The following ADK variants were observed in gnomAD, a reference collection of about 807,000 sequenced individuals.
ADK encodes the protein N6,N6-dimethyladenosine kinase.
A neutral mutation model predicts 44.7 loss-of-function variants in ADK; 24 were observed. The ratio of observed to expected loss-of-function variants is 0.54; its 90% CI spans 0.39 to 0.76. The LOEUF (loss-of-function observed/expected upper bound fraction) is 0.76, where lower values mean the gene tolerates loss of function less well. Ranked by LOEUF, ADK falls within the 30% of genes least tolerant of loss-of-function variation. The pLI is 0.00. For synonymous variants in ADK, 128 were observed against 142.6 expected, an observed-to-expected ratio of 0.90 and a Z score of 0.73; for missense variants, 321 against 425.1, an observed-to-expected ratio of 0.76 and a Z score of 2.15.
intron 2 of ADK, among the ~76,000 whole-genome samples, chr10:74,222,922 TAGTG>T (rs1445342010): frequency 7.3e-5 from 11 of 151,156 alleles, no homozygotes; most frequent in Admixed American, 7.2e-4. Context: ...GATGACGAGT[TAGTG>T]GGTGCAGCAC....
intron 2 of ADK, among the ~76,000 whole-genome samples, chr10:74,201,672 GTATGTATCTATCTATCTATCTATC>G (rs1463656707): frequency 6.0e-4 from 81 of 134,678 alleles, no homozygotes; most frequent in Admixed American, 8.9e-4. Context: ...ATGTATGTAT[GTATGTATCTATCTATCTATCTATC>G]TATCTATCTA....
chr10:74,521,484 T>C (rs988941668), intron 6 of ADK, among the ~76,000 whole-genome samples: 1 of 152,160 alleles, frequency 6.6e-6, no homozygotes, highest in African/African-American at 2.4e-5. Flanking sequence ...GATCAAATTT[T>C]CAGTCTGAAG....
chr10:74,384,625 C>T (rs561312126), intron 4 of ADK, among the ~76,000 whole-genome samples: 8 of 152,132 alleles, frequency 5.3e-5, no homozygotes, highest in South Asian at 4.2e-4. Context: ...GAGTCAAGAT[C>T]GCACCACTGC....
chr10:74,164,243 A>T lies in ADK; in HGVS notation c.65+12900A>T, dbSNP rs779023827. On this transcript the variant is annotated intron_variant, in intron 1 of 10. Coordinates refer to ENST00000539909, the MANE Select transcript of ADK (RefSeq NM_006721.4). ...ACATAGTATAAAATGTTTATTAAAA[A>T]TAGTATTTTAGGCTGGGTATGTTGG... Among the ~76,000 whole-genome samples, 3 of 152,360 alleles carry T rather than the reference A, an allele frequency of 2.0e-5. No homozygotes were observed. In the East Asian group the frequency reaches 5.8e-4, roughly 29 times the overall value.
At chr10:74,303,588 G>GTTGTTTTT (rs1840139803) in intron 3 of ADK, among the ~76,000 whole-genome samples, 6 of 68,576 alleles carry the variant, frequency 8.7e-5, no homozygotes, top group African/African-American at 4.7e-4. Flanking sequence ...TTTTAATGTT[G>GTTGTTTTT]TTTTTTTTTT....
intron 6 of ADK, among the ~76,000 whole-genome samples, chr10:74,505,517 CTTTTTTT>C (rs35285709): frequency 2.3e-5 from 3 of 131,366 alleles, no homozygotes; most frequent in Non-Finnish European, 3.3e-5. Context: ...CTTCCCCCCA[CTTTTTTT>C]TTTTTTTTTT....
intron 2 of ADK, among the ~76,000 whole-genome samples, chr10:74,224,032 C>G (rs187204294): frequency 6.6e-6 from 1 of 152,060 alleles, no homozygotes; most frequent in Non-Finnish European, 1.5e-5. Flanking sequence ...GAGTCAAGAT[C>G]GTGCCACTGC....
At chr10:74,595,469 CG>C (rs1851878393) in intron 8 of ADK, among the ~76,000 whole-genome samples, 1 of 140,486 alleles carries the variant, frequency 7.1e-6, no homozygotes, top group Non-Finnish European at 1.5e-5. Context: ...CTCCGCCTCC[CG>C]GGTTCACTCC....
intron 9 of ADK, among the ~76,000 whole-genome samples, chr10:74,651,384 AT>A (rs1292882632): frequency 6.6e-6 from 1 of 152,126 alleles, no homozygotes; most frequent in Non-Finnish European, 1.5e-5. Flanking sequence ...CAGATGAAAA[AT>A]TTTAGAAAGG....
intron 4 of ADK, chr10:74,372,480 T>A (rs1172862864): frequency 9.4e-5 from 29 of 309,266 alleles, no homozygotes; most frequent in Middle Eastern, 1.0e-3. Flanking sequence ...AATGTCAGTT[T>A]AAAAAAAAAA....
chr10:74,186,758 A>G (rs1375093396), intron 1 of ADK, among the ~76,000 whole-genome samples: 2 of 152,200 alleles, frequency 1.3e-5, no homozygotes, highest in Non-Finnish European at 2.9e-5. Flanking sequence ...TTTGTTCAAT[A>G]TAATATTTTT....
chr10:74,284,981 C>G lies in ADK; in HGVS notation c.195-29686C>G, dbSNP rs143824155. ...AGGGTGCTTACTTTTGAGAAAAATG[C>G]TAATAATATAGTATAGCCATCATTT... On this transcript the variant is annotated intron_variant, in intron 3 of 10. Coordinates refer to ENST00000539909, the MANE Select transcript of ADK (RefSeq NM_006721.4). 3.9e-3 allele frequency among the ~76,000 whole-genome samples: 601 copies of G among 152,238 alleles called. 8 individuals carry two copies. The highest frequency in any genetic ancestry group is 0.013 in the African/African-American group (536 of 41,536).
At chr10:74,211,232 T>C (rs1843801151) in intron 2 of ADK, among the ~76,000 whole-genome samples, 1 of 152,210 alleles carries the variant, frequency 6.6e-6, no homozygotes, top group African/African-American at 2.4e-5. Flanking sequence ...TTTCTACAGC[T>C]TTCAACATTA....
chr10:74,668,027 A>T (rs1347324151), intron 9 of ADK, among the ~76,000 whole-genome samples: 1 of 152,170 alleles, frequency 6.6e-6, no homozygotes, highest in African/African-American at 2.4e-5. Context: ...CTAGTGATTA[A>T]TTCTTATATT....
intron 7 of ADK, among the ~76,000 whole-genome samples, chr10:74,547,600 G>C (rs1849882880): frequency 6.6e-6 from 1 of 150,456 alleles, no homozygotes. Flanking sequence ...TCCTGCCTCA[G>C]CCTCCCAAGT....
At chr10:74,285,056 A>G (rs1377557271) in intron 3 of ADK, among the ~76,000 whole-genome samples, 1 of 152,226 alleles carries the variant, frequency 6.6e-6, no homozygotes, top group Non-Finnish European at 1.5e-5. Flanking sequence ...TCCTTATAAT[A>G]GTCCTTCAGT....
chr10:74,160,385 C>T (rs1841856083), intron 1 of ADK, among the ~76,000 whole-genome samples: 1 of 152,220 alleles, frequency 6.6e-6, no homozygotes. Context: ...TGCTTCTGAG[C>T]TGCTACTCTG....
intron 6 of ADK, among the ~76,000 whole-genome samples, chr10:74,474,087 A>G (rs1846717525): frequency 6.6e-6 from 1 of 152,044 alleles, no homozygotes; most frequent in Non-Finnish European, 1.5e-5. Context: ...TCTTTAAGGA[A>G]GATTTGTCTC....
At chr10:74,495,135 A>G (rs1847636458) in intron 6 of ADK, among the ~76,000 whole-genome samples, 1 of 152,072 alleles carries the variant, frequency 6.6e-6, no homozygotes, top group African/African-American at 2.4e-5. Context: ...CTAAAGTTTC[A>G]TGATAAATAA....
Sources: gnomAD v4.1 joint callset for allele counts (sites outside exome capture counted in the v4.1 genomes callset) on GRCh38, gnomAD v4.1.1 for gene constraint, MANE v1.5 for transcripts, NCBI Gene and HGNC (gene_info 2026-07-23, HGNC 2026-07-21) for gene names.